Variants in SHANK2 observed in about 807,000 individuals in gnomAD.
SHANK2 encodes SH3 and multiple ankyrin repeat domains protein 2.
In SHANK2, 43 loss-of-function variants were observed where a neutral mutation model predicts 133.7. The observed-to-expected ratio is 0.32, with a 90% CI of 0.25 to 0.41. The LOEUF is 0.41. SHANK2 is among the 10% of genes least tolerant of loss of function. The probability of loss-of-function intolerance (pLI) is 1.00; values close to 1 mark genes in which losing one functional copy is unlikely to be tolerated. For synonymous variants in SHANK2, 1,017 were observed against 952.8 expected (o/e 1.07, Z -1.24); for missense variants, 1,994 against 2,235.8 (o/e 0.89, Z 2.18).
intron 1 of SHANK2, among the ~76,000 whole-genome samples, chr11:71,246,265 A>G (rs1555124971): frequency 6.6e-6 from 1 of 151,930 alleles, no homozygotes; most frequent in African/African-American, 2.4e-5. Flanking sequence ...TGGACCAGGG[A>G]GCAGACTGCC....
chr11:70,557,394 C>T (rs2136111359), intron 17 of SHANK2, among the ~76,000 whole-genome samples: 1 of 152,276 alleles, frequency 6.6e-6, no homozygotes, highest in Non-Finnish European at 1.5e-5. Flanking sequence ...ACCACCTCCT[C>T]CTAAGAAGGG....
At chr11:71,173,590 G>A (rs1953361973) in intron 2 of SHANK2, among the ~76,000 whole-genome samples, 1 of 152,336 alleles carries the variant, frequency 6.6e-6, no homozygotes, top group African/African-American at 2.4e-5. Flanking sequence ...TTTAACTTCT[G>A]CCCAAAGAGT....
At chr11:70,583,023 G>A (rs1554985845) in intron 17 of SHANK2, among the ~76,000 whole-genome samples, 1 of 152,168 alleles carries the variant, frequency 6.6e-6, no homozygotes, top group African/African-American at 2.4e-5. Context: ...GGCTGGGGGT[G>A]CAGCTCAGCA....
intron 1 of SHANK2, among the ~76,000 whole-genome samples, chr11:71,238,489 A>T (rs1954850444): frequency 6.6e-6 from 1 of 152,260 alleles, no homozygotes; most frequent in Non-Finnish European, 1.5e-5. Flanking sequence ...GTCCAAGGTC[A>T]CACAGCAACA....
chr11:70,932,650 C>T (rs1555082702), intron 10 of SHANK2, among the ~76,000 whole-genome samples: 1 of 152,318 alleles, frequency 6.6e-6, no homozygotes, highest in Admixed American at 6.5e-5. Flanking sequence ...TGCCAGGGTA[C>T]CTTAGAAGTG....
Position 70,808,668 on chromosome 11 carries a change from G to A in SHANK2, c.1494-1497C>T, listed in dbSNP as rs545027514. 5.3e-5 allele frequency among the ~76,000 whole-genome samples: 8 copies of A among 151,748 alleles called. No homozygotes were observed. The South Asian group carries it at 1.0e-3, about 20-fold the overall frequency. ...GAGGATTGCTTGTGGCCAGGAGGTC[G>A]CGGCTGCAGTGAGCCATGATTGTGC... On this transcript the variant is annotated intron_variant, in intron 12 of 25. Transcript: ENST00000601538.
At chr11:70,954,823 G>A (rs1360358560) in intron 10 of SHANK2, among the ~76,000 whole-genome samples, 1 of 152,222 alleles carries the variant, frequency 6.6e-6, no homozygotes, top group East Asian at 1.9e-4. Context: ...TCTATGTGCA[G>A]TGTTAAGGGT....
At chr11:70,540,856 A>AAT (rs2059613368) in intron 17 of SHANK2, among the ~76,000 whole-genome samples, 2 of 151,592 alleles carry the variant, frequency 1.3e-5, no homozygotes, top group African/African-American at 4.8e-5. Flanking sequence ...AAAAAAAAAA[A>AAT]AAAAACTCAG....
At chr11:71,134,880 C>A (rs1555104458) in intron 3 of SHANK2, among the ~76,000 whole-genome samples, 1 of 152,144 alleles carries the variant, frequency 6.6e-6, no homozygotes, top group African/African-American at 2.4e-5. Context: ...GCCCCCATCT[C>A]TTCTAATCCT....
At chr11:70,771,559 C>T (rs893969404) in intron 14 of SHANK2, among the ~76,000 whole-genome samples, 1 of 152,084 alleles carries the variant, frequency 6.6e-6, no homozygotes, top group Middle Eastern at 3.4e-3. Flanking sequence ...TCCATCGGGT[C>T]GGACGATGGC....
At chr11:70,597,943 A>T (rs2060423222) in intron 17 of SHANK2, among the ~76,000 whole-genome samples, 2 of 152,186 alleles carry the variant, frequency 1.3e-5, no homozygotes, top group African/African-American at 4.8e-5. Flanking sequence ...CCTGAGATGC[A>T]ACCCCTGAGA....
At chr11:71,095,559 T>C (rs886649220) in intron 6 of SHANK2, among the ~76,000 whole-genome samples, 1 of 152,152 alleles carries the variant, frequency 6.6e-6, no homozygotes, top group Non-Finnish European at 1.5e-5. Context: ...ACAATGAATA[T>C]TCACTCGGTC....
chr11:70,933,124 G>A lies in SHANK2; in HGVS notation c.1108-36557C>T, dbSNP rs150513291. On this transcript the variant is annotated intron_variant, in intron 10 of 25. Coordinates refer to ENST00000601538, the MANE Select transcript of SHANK2 (RefSeq NM_012309.5). ...AGGCGGGAGCAGCTCAGTGTCCACC[G>A]GCAGATAAATGGATGAACAAAGTGT... 1,062 of 456,550 alleles carry A rather than the reference G, an allele frequency of 2.3e-3. 9 individuals carry two copies. The highest frequency in any genetic ancestry group is 0.019 in the African/African-American group (950 of 50,166). 28.3% of individuals were successfully genotyped at this position (456,550 alleles called of 1,614,324 possible).
chr11:71,237,081 C>T (rs573690781), intron 1 of SHANK2, among the ~76,000 whole-genome samples: 13 of 152,298 alleles, frequency 8.5e-5, no homozygotes, highest in African/African-American at 2.6e-4. Context: ...GGTCACCGTT[C>T]GCTCTGGCCA....
rs373358504 is a variant in SHANK2, at chr11:70,485,544, C to G, written c.4749G>C (p.Pro1583=). ...DSFVIPPPAP[P]PPPGSAQPGM... ...CAGGCTGGGCACTGCCCGGCGGGGG[C>G]GGGGGAGCGGGCGGGGGGATAACAA... The change falls in exon 25 of 26, where the codon CCG becomes CCC. Residue 1583 remains proline (P), a synonymous_variant. Transcript: ENST00000601538. This position sits in a 1 kb window ranked among gnomAD's most constrained non-coding sequence, Gnocchi z 5.8. The G allele has an allele frequency of 6.2e-7, 1 of 1,610,426 alleles. No individual in the cohort carries two copies. Among genetic ancestry groups the G allele is most frequent in the Non-Finnish European group, 8.5e-7 (1 of 1,178,472 alleles).
chr11:70,743,060 G>A (rs1946562959), intron 14 of SHANK2, among the ~76,000 whole-genome samples: 1 of 152,134 alleles, frequency 6.6e-6, no homozygotes, highest in African/African-American at 2.4e-5. Flanking sequence ...TCAGAACCTG[G>A]GAGATGGGAG....
chr11:70,868,717 G>A (rs1296895604), intron 11 of SHANK2, among the ~76,000 whole-genome samples: 6 of 152,208 alleles, frequency 3.9e-5, no homozygotes, highest in South Asian at 2.1e-4. Flanking sequence ...GAGCTGCCAC[G>A]GCCAGTCCTA....
intron 10 of SHANK2, among the ~76,000 whole-genome samples, chr11:70,896,979 T>C (rs1245666767): frequency 6.6e-6 from 1 of 152,170 alleles, no homozygotes; most frequent in East Asian, 1.9e-4. Flanking sequence ...CATGCCAATC[T>C]ACATAACTGG....
intron 17 of SHANK2, among the ~76,000 whole-genome samples, chr11:70,597,469 G>A (rs782085097): frequency 2.2e-4 from 34 of 151,472 alleles, no homozygotes; most frequent in Admixed American, 1.0e-3. Flanking sequence ...AAGATAAGAG[G>A]GTAGAGAGGA....
Sources: gnomAD v4.1 joint callset for allele counts (sites outside exome capture counted in the v4.1 genomes callset) on GRCh38, gnomAD v4.1.1 for gene constraint, Gnocchi (gnomAD v3.1) non-coding constraint, MANE v1.5 for transcripts, NCBI Gene and HGNC (gene_info 2026-07-23, HGNC 2026-07-21) for gene names.